Variants in PHF10 observed in about 807,000 individuals in gnomAD.
PHF10 encodes PHD finger protein 10, also known as BRG1-associated factor 45a.
PHF10 carries 51 observed loss-of-function variants against 68.5 expected under a neutral mutation model. The observed-to-expected ratio is 0.74, with a 90% CI of 0.59 to 0.94. The LOEUF (loss-of-function observed/expected upper bound fraction) is 0.94, where lower values mean the gene tolerates loss of function less well. Among genes scored for constraint, PHF10 ranks in the 40% least tolerant of loss-of-function variants. PHF10 has a pLI of 0.00. For missense variants in PHF10, 460 were observed against 602.6 expected (o/e 0.76, Z 2.48); for synonymous variants, 204 against 203.5 (o/e 1.00, Z -0.02).
chr6:169,712,483 G>C lies in PHF10; in HGVS notation c.860C>G (p.Pro287Arg). Reference protein sequence around the residue: ...LPLNTALYEPPLDPELPALDS... With the variant: ...LPLNTALYEPRLDPELPALDS... ...TAGAGCAGGGAGCTCAGGATCCAGAGGGGGCTCATACAGGGCTGTGTTTAA... is the reference window on the plus strand; with the variant it reads ...TAGAGCAGGGAGCTCAGGATCCAGACGGGGCTCATACAGGGCTGTGTTTAA... Residue 287 changes from proline to arginine, a missense_variant, in exon 8 of 12, where the codon CCT becomes CGT. Physicochemically the swap from Pro to Arg is moderately radical, Grantham distance 103 (BLOSUM62 -2). Transcript: ENST00000339209. The C allele has an allele frequency of 6.2e-7, 1 of 1,613,674 alleles. No homozygotes were observed.
chr6:169,721,561 T>G (rs535909797), intron 1 of PHF10, among the ~76,000 whole-genome samples: 21 of 152,330 alleles, frequency 1.4e-4, no homozygotes, highest in Middle Eastern at 3.4e-3. Flanking sequence ...TTCTAACTAT[T>G]CACTCTTCCT....
chr6:169,716,397 C>T (rs1321724707), intron 4 of PHF10, among the ~76,000 whole-genome samples: 1 of 151,628 alleles, frequency 6.6e-6, no homozygotes, highest in Non-Finnish European at 1.5e-5. Context: ...TAATGAAATG[C>T]ACTAACTACT....
intron 7 of PHF10, among the ~76,000 whole-genome samples, chr6:169,714,398 T>G (rs80235206): frequency 0.02 from 3,088 of 152,290 alleles, 39 homozygotes; most frequent in Middle Eastern, 0.095. Flanking sequence ...GGGCCTGAGA[T>G]TCTGCATTTC....
intron 6 of PHF10, among the ~76,000 whole-genome samples, chr6:169,715,321 T>C (rs1262025292): frequency 6.6e-6 from 1 of 152,086 alleles, no homozygotes; most frequent in East Asian, 1.9e-4. Context: ...AAGCACACCA[T>C]TAAAAATAAC....
Position 169,703,983 on chromosome 6 carries a change from T to C in PHF10, c.*20A>G. 1 of 1,562,136 alleles carries C rather than the reference T, an allele frequency of 6.4e-7. No individual in the cohort carries two copies. Among genetic ancestry groups the C allele is most frequent in the Middle Eastern group, 1.7e-4 (1 of 5,970 alleles). ...ATATTCCACTTAAATGCATATACAG[T>C]ATTAGAGTCAAAAACTATTTTATCC... On this transcript the variant is annotated 3_prime_UTR_variant, in exon 12 of 12. Coordinates refer to ENST00000339209, the MANE Select transcript of PHF10 (RefSeq NM_018288.4).
intron 1 of PHF10, among the ~76,000 whole-genome samples, chr6:169,723,464 C>G (rs1170479168): frequency 6.6e-6 from 1 of 152,236 alleles, no homozygotes; most frequent in African/African-American, 2.4e-5. Flanking sequence ...AACACTTCGG[C>G]AAACTATGCG....
At chr6:169,715,686 T>C in intron 6 of PHF10, 22 bp downstream of exon 6, 5 of 1,599,704 alleles carry the variant, frequency 3.1e-6, no homozygotes, top group Non-Finnish European at 4.3e-6. Context: ...GTTCAGGGGG[T>C]ACTAAATTTA....
At chr6:169,712,259 TTGA>T in intron 8 of PHF10, 124 bp downstream of exon 8, 1 of 851,136 alleles carries the variant, frequency 1.2e-6, no homozygotes, top group Non-Finnish European at 1.9e-6. Context: ...GTAACTTTTA[TTGA>T]TGAATACTTT....
chr6:169,709,182 T>C (rs942929809), intron 9 of PHF10: 16 of 151,886 alleles, frequency 1.1e-4, no homozygotes, highest in African/African-American at 3.6e-4. Flanking sequence ...TAAATGAACA[T>C]GTTAGAACGT....
chr6:169,722,664 C>A (rs993533630), intron 1 of PHF10, among the ~76,000 whole-genome samples: 1 of 152,144 alleles, frequency 6.6e-6, no homozygotes, highest in Non-Finnish European at 1.5e-5. Context: ...CAATATTGTT[C>A]CCAATACATG....
Position 169,718,766 on chromosome 6 carries a change from AATCT to A in PHF10, c.325+18_325+21del, listed in dbSNP as rs1343800141. The A allele has an allele frequency of 7.7e-6, 10 of 1,295,434 alleles. No individual in the cohort carries two copies. The South Asian group carries it at 9.2e-5, about 12-fold the overall frequency. 80.2% of individuals were successfully genotyped at this position (1,295,434 alleles called of 1,614,324 possible). ...AAAGAATTACTATCAATTATAAATT[AATCT>A]ATTATATAAACTAGTACCTGGATAT... On this transcript the variant is annotated intron_variant, in intron 3 of 11. Coordinates refer to ENST00000339209, the MANE Select transcript of PHF10 (RefSeq NM_018288.4).
At chr6:169,723,711 C>G (rs1054326675) in intron 1 of PHF10, 134 bp downstream of exon 1, 251 of 254,280 alleles carry the variant, frequency 9.9e-4, no homozygotes, top group African/African-American at 5.6e-3. Context: ...CGACCACCCC[C>G]GGTCTCAGGC....
At chr6:169,716,141 A>G in intron 4 of PHF10, 53 bp from the exon 5 acceptor site, 4 of 1,285,262 alleles carry the variant, frequency 3.1e-6, no homozygotes, top group Non-Finnish European at 4.3e-6. Context: ...AGGATAAGTG[A>G]ACAAAAGCAC....
chr6:169,716,660 CAAAT>C (rs532209931), intron 4 of PHF10, among the ~76,000 whole-genome samples: 1 of 152,050 alleles, frequency 6.6e-6, no homozygotes, highest in Non-Finnish European at 1.5e-5. Context: ...AAAAAGATTA[CAAAT>C]AAAGCACGGA....
At chr6:169,707,425 T>C (rs1032309891) in intron 9 of PHF10, 2 of 152,234 alleles carry the variant, frequency 1.3e-5, no homozygotes, top group East Asian at 1.9e-4. Context: ...CAGAATGCTC[T>C]CTCTTAATCC....
At chr6:169,713,930 T>C (rs1229541304) in intron 7 of PHF10, among the ~76,000 whole-genome samples, 1 of 152,144 alleles carries the variant, frequency 6.6e-6, no homozygotes, top group Non-Finnish European at 1.5e-5. Context: ...AAGAGCATCC[T>C]GGCCAACATG....
Position 169,703,965 on chromosome 6 carries a change from A to G in PHF10, c.*38T>C, listed in dbSNP as rs371983940. 4.2e-6 allele frequency: 6 copies of G among 1,434,160 alleles called. No individual in the cohort carries two copies. Among genetic ancestry groups the G allele is most frequent in the Non-Finnish European group, 5.7e-6 (6 of 1,058,686 alleles). The allele number at this position is 1,434,160 out of a possible 1,614,324, so 88.8% of individuals were successfully genotyped here. ...TGTTGTAAATGGCACCAAATATTCCACTTAAATGCATATACAGTATTAGAG... is the reference window on the plus strand; with the variant it reads ...TGTTGTAAATGGCACCAAATATTCCGCTTAAATGCATATACAGTATTAGAG... On this transcript the variant is annotated 3_prime_UTR_variant, in exon 12 of 12. Coordinates refer to ENST00000339209, the MANE Select transcript of PHF10 (RefSeq NM_018288.4).
At chr6:169,716,324 GTTTATT>G (rs1436546189) in intron 4 of PHF10, among the ~76,000 whole-genome samples, 1 of 151,910 alleles carries the variant, frequency 6.6e-6, no homozygotes, top group African/African-American at 2.4e-5. Flanking sequence ...AACCAAACAA[GTTTATT>G]TTTAAGATTC....
chr6:169,715,169 A>G (rs1307519936), intron 6 of PHF10, among the ~76,000 whole-genome samples: 1 of 152,218 alleles, frequency 6.6e-6, no homozygotes, highest in African/African-American at 2.4e-5. Flanking sequence ...TCACATGGTT[A>G]CTATGAGAAT....
Sources: allele counts gnomAD v4.1 joint callset (sites outside exome capture counted in the v4.1 genomes callset), GRCh38; gene constraint gnomAD v4.1.1; transcripts MANE v1.5; gene names NCBI Gene and HGNC (gene_info 2026-07-23, HGNC 2026-07-21).